The following NIPBL variants were observed in gnomAD, a reference collection of about 807,000 sequenced individuals.
The protein encoded by NIPBL is NIPBL cohesin loading factor, also known as nipped-B-like protein.
A neutral mutation model predicts 321.8 loss-of-function variants in NIPBL; 19 were observed. The observed-to-expected ratio is 0.06, with a 90% confidence interval of 0.04 to 0.09. The LOEUF (loss-of-function observed/expected upper bound fraction) is 0.09, where lower values mean the gene tolerates loss of function less well. Ranked by LOEUF, NIPBL falls within the 10% of genes least tolerant of loss-of-function variation. The pLI, the probability that NIPBL is intolerant of heterozygous loss-of-function variation, is 1.00. For missense variants in NIPBL, 2,210 were observed against 3,327.0 expected (o/e 0.66, Z 8.26); for synonymous variants, 1,106 against 1,114.1 (o/e 0.99, Z 0.14).
chr5:36,938,459 T>C (rs1262037238), intron 1 of NIPBL, among the ~76,000 whole-genome samples: 1 of 152,148 alleles, frequency 6.6e-6, no homozygotes, highest in Non-Finnish European at 1.5e-5. Context: ...TTAAAGATTA[T>C]GGTAGTTTCT....
At chr5:36,964,527 A>G (rs2149610743) in intron 6 of NIPBL, among the ~76,000 whole-genome samples, 1 of 152,328 alleles carries the variant, frequency 6.6e-6, no homozygotes, top group Non-Finnish European at 1.5e-5. Flanking sequence ...ATGCTGTGAA[A>G]AATAAACTCA....
Position 36,933,051 on chromosome 5 carries a change from C to T in NIPBL, c.-79-20567C>T, listed in dbSNP as rs563676956. On this transcript the variant is annotated intron_variant, in intron 1 of 46. Transcript: ENST00000282516. The stretch of plus-strand genomic sequence containing the variant: ...TCCTTGGAGGTTACTGTAGGGATTA[C>T]AATATGCTTCTTAATTTATCACAAT... 1.3e-4 allele frequency among the ~76,000 whole-genome samples: 19 copies of T among 151,948 alleles called. No individual in the cohort carries two copies. The South Asian group carries it at 3.9e-3, about 32-fold the overall frequency.
At position 37,065,947 on chromosome 5, in the gene NIPBL, T is replaced by G. The variant is rs892545466; in HGVS notation, c.*1055T>G. On this transcript the variant is annotated 3_prime_UTR_variant, in exon 47 of 47. Transcript: ENST00000282516. ...TCTTGGTTAAAATGATGTCCGGTTA[T>G]TTTAGAACTAGAGTTGAGATGAATA... 1 of 152,462 alleles carries G rather than the reference T, an allele frequency of 6.6e-6. No individual in the cohort carries two copies. The highest frequency in any genetic ancestry group is 2.4e-5 in the African/African-American group (1 of 41,464). 9.4% of individuals were successfully genotyped at this position (152,462 alleles called of 1,614,324 possible).
intron 16 of NIPBL, among the ~76,000 whole-genome samples, chr5:37,004,166 C>T (rs1747148066): frequency 6.6e-6 from 1 of 152,122 alleles, no homozygotes; most frequent in South Asian, 2.1e-4. Context: ...AATGTTAACT[C>T]CAGCTGTTAC....
At position 36,995,822 on chromosome 5, in the gene NIPBL, C is replaced by G. The variant is rs757003151; in HGVS notation, c.3304+18C>G. ...TTTTGAATGTAAGTATCACAGAACT[C>G]TTTGTTATTATTTTAGAGTTTAAAA... On this transcript the variant is annotated intron_variant, in intron 11 of 46. Transcript: ENST00000282516. 1 of 1,598,462 alleles carries G rather than the reference C, an allele frequency of 6.3e-7. No individual in the cohort carries two copies.
At chr5:37,049,437 G>T in intron 40 of NIPBL, 136 bp downstream of exon 40, 1 of 949,112 alleles carries the variant, frequency 1.1e-6, no homozygotes, top group Non-Finnish European at 1.7e-6. Flanking sequence ...GAATCTGGCA[G>T]TTTTAGATAA....
intron 9 of NIPBL, among the ~76,000 whole-genome samples, chr5:36,976,773 A>G (rs929390492): frequency 1.3e-5 from 2 of 152,146 alleles, no homozygotes; most frequent in Non-Finnish European, 2.9e-5. Flanking sequence ...AAACAAGGTT[A>G]ACCACTGTAG....
At chr5:37,019,009 A>G (rs1482526602) in intron 24 of NIPBL, among the ~76,000 whole-genome samples, 3 of 152,118 alleles carry the variant, frequency 2.0e-5, no homozygotes, top group Non-Finnish European at 4.4e-5. Flanking sequence ...AGGCTGAGGT[A>G]GGAGAATTGC....
At chr5:36,953,807 A>G (rs1740657827) in intron 2 of NIPBL, 47 bp downstream of exon 2, 1 of 1,471,140 alleles carries the variant, frequency 6.8e-7, no homozygotes, top group Non-Finnish European at 9.5e-7. Context: ...GTGTGTTAAC[A>G]ATAATTTTTA....
chr5:37,048,845 C>G (rs1316062268), intron 39 of NIPBL, among the ~76,000 whole-genome samples, 170 bp downstream of exon 39: 1 of 152,056 alleles, frequency 6.6e-6, no homozygotes, highest in African/African-American at 2.4e-5. Flanking sequence ...CTTAAATTCT[C>G]TAAAATAGTT....
At chr5:37,049,454 G>C (rs1249080783) in intron 40 of NIPBL, among the ~76,000 whole-genome samples, 153 bp downstream of exon 40, 3 of 152,020 alleles carry the variant, frequency 2.0e-5, no homozygotes, top group Non-Finnish European at 1.5e-5. Flanking sequence ...ATAATCTCTT[G>C]GGTTATGATT....
At chr5:36,976,759 G>C (rs1315851622) in intron 9 of NIPBL, among the ~76,000 whole-genome samples, 1 of 151,934 alleles carries the variant, frequency 6.6e-6, no homozygotes, top group Non-Finnish European at 1.5e-5. Context: ...ATTTTTTTCT[G>C]CTAAAACAAG....
chr5:36,916,078 G>T (rs1748436373), intron 1 of NIPBL, among the ~76,000 whole-genome samples: 1 of 152,198 alleles, frequency 6.6e-6, no homozygotes, highest in African/African-American at 2.4e-5. Context: ...TGTGGTAGTT[G>T]TCCTTTCTTC....
chr5:37,008,051 G>A lies in NIPBL; in HGVS notation c.4283G>A (p.Ser1428Asn). 6.2e-7 allele frequency: 1 copy of A among 1,611,306 alleles called. No individual in the cohort carries two copies. Among genetic ancestry groups the A allele is most frequent in the Non-Finnish European group, 8.5e-7 (1 of 1,177,722 alleles). The change falls in exon 19 of 47, where the codon AGT becomes AAT. Residue 1428 changes from serine (S) to asparagine (N), a missense_variant. Ser to Asn is a conservative substitution (Grantham distance 46, BLOSUM62 1). Coordinates refer to ENST00000282516, the MANE Select transcript of NIPBL (RefSeq NM_133433.4). ...ACACCATTTTTTGTGGAAAATGTCA[G>A]TGAACTACAGTTGTGTGCCATTAAG... ...GITPFFVENV[S>N]ELQLCAIKLV...
intron 20 of NIPBL, 88 bp from the exon 21 acceptor site, chr5:37,009,999 A>T: frequency 9.8e-7 from 1 of 1,025,084 alleles, no homozygotes; most frequent in Non-Finnish European, 1.5e-6. Flanking sequence ...ATATTGGCAA[A>T]CACAGTATCG....
chr5:37,020,701 A>C, intron 26 of NIPBL, 28 bp downstream of exon 26: 2 of 1,597,780 alleles, frequency 1.3e-6, no homozygotes, highest in Non-Finnish European at 1.7e-6. Flanking sequence ...AACAGTTTAC[A>C]TTTATCTCCT....
chr5:36,950,155 C>G (rs1427010435), intron 1 of NIPBL, among the ~76,000 whole-genome samples: 1 of 151,972 alleles, frequency 6.6e-6, no homozygotes, highest in African/African-American at 2.4e-5. Context: ...AGGCCCAAGA[C>G]TATGACTTTT....
At chr5:37,051,954 A>G in intron 41 of NIPBL, 68 bp downstream of exon 41, 2 of 1,086,122 alleles carry the variant, frequency 1.8e-6, no homozygotes, top group African/African-American at 1.6e-5. Context: ...TCTTTGATAA[A>G]TGCTCTGCCC....
intron 27 of NIPBL, 54 bp downstream of exon 27, chr5:37,020,931 T>C (rs1749554103): frequency 8.7e-7 from 1 of 1,153,696 alleles, no homozygotes. Context: ...TGATTCTGGA[T>C]GCTTGTGAGC....
Sources: allele counts gnomAD v4.1 joint callset (sites outside exome capture counted in the v4.1 genomes callset), GRCh38; gene constraint gnomAD v4.1.1; transcripts MANE v1.5; gene names NCBI Gene and HGNC (gene_info 2026-07-23, HGNC 2026-07-21).